MRO: variants seen among roughly 807,000 people sequenced by gnomAD.
MRO encodes maestro, also known as protein maestro.
MRO carries 28 observed loss-of-function variants against 31.0 expected under a neutral mutation model. The ratio of observed to expected loss-of-function variants is 0.90; its 90% CI spans 0.67 to 1.24. The LOEUF (loss-of-function observed/expected upper bound fraction) is 1.24, where lower values mean the gene tolerates loss of function less well. Ranked by LOEUF, MRO falls within the 50% of genes most tolerant of loss-of-function variation. The pLI is 0.00. For missense variants in MRO, 332 were observed against 289.2 expected, an observed-to-expected ratio of 1.15 and a Z score of -1.07; for synonymous variants, 108 against 108.4, an observed-to-expected ratio of 1.00 and a Z score of 0.02.
At position 50,801,412 on chromosome 18, in the gene MRO, C is replaced by A. The variant is rs1162232081; in HGVS notation, c.522G>T (p.Gln174His). 1.2e-6 allele frequency: 2 copies of A among 1,611,254 alleles called. No homozygotes were observed. The highest frequency in any genetic ancestry group is 4.5e-5 in the East Asian group (2 of 44,864). The change falls in exon 6 of 8, where the codon CAG becomes CAT. Residue 174 changes from glutamine (Q) to histidine (H), a missense_variant. Gln to His is a conservative substitution (Grantham distance 24). Transcript: ENST00000398439. ...GRKWKKFFTS[Q>H]VKQTRDSLLI... ...GGAGGGAATCTCGTGTCTGCTTAAC[C>A]TGACTGGTGAAAAATTTTTTCCATT...
At chr18:50,817,772 G>C (rs1412030664) in intron 2 of MRO, among the ~76,000 whole-genome samples, 1 of 152,132 alleles carries the variant, frequency 6.6e-6, no homozygotes, top group East Asian at 1.9e-4. Flanking sequence ...GAGAACAAGA[G>C]ATTGATACCA....
rs903630240 is a variant in MRO at position 50,819,822 on chromosome 18, T to C, written c.-127+75A>G. ...GGGAAAGTCAAAGTTTATAGAGTAT[T>C]TGGGCAGGGGAGGGAATTGTTCTGG... On this transcript the variant is annotated intron_variant, in intron 1 of 7. Coordinates refer to ENST00000398439, the MANE Select transcript of MRO (RefSeq NM_031939.6). The C allele has an allele frequency of 3.9e-6, 6 of 1,538,922 alleles. No homozygotes were observed. The Admixed American group carries it at 9.8e-5, about 25-fold the overall frequency.
intron 2 of MRO, 62 bp downstream of exon 2, chr18:50,819,519 C>T (rs1403106712): frequency 3.2e-6 from 5 of 1,541,234 alleles, no homozygotes; most frequent in Non-Finnish European, 4.4e-6. Flanking sequence ...GTTTTGGGAA[C>T]CCAAGTGCAG....
At chr18:50,811,056 C>T (rs543531976) in intron 2 of MRO, among the ~76,000 whole-genome samples, 10 of 152,114 alleles carry the variant, frequency 6.6e-5, no homozygotes, top group Non-Finnish European at 1.2e-4. Context: ...TGGGAGTCAA[C>T]GGGATCCCAT....
rs185214515 is a variant in MRO, at chr18:50,798,389, T to G, written c.*948A>C. 6.6e-6 allele frequency: 1 copy of G among 152,326 alleles called. No homozygotes were observed. Among genetic ancestry groups the G allele is most frequent in the East Asian group, 1.9e-4 (1 of 5,190 alleles). 9.4% of individuals were successfully genotyped at this position (152,326 alleles called of 1,614,324 possible). A position where few individuals can be genotyped will look rare whatever the true frequency, so the allele number is the denominator to read the frequency against. ...AGAAGCAGAGATGTTTGCATTTGCT[T>G]TGTTTTTAACATTTCTAACCATCCA... is the stretch of plus-strand genomic sequence containing the variant. On this transcript the variant is annotated 3_prime_UTR_variant, in exon 8 of 8. Transcript: ENST00000398439.
intron 2 of MRO, chr18:50,814,381 C>CGG (rs1043069428): frequency 7.2e-5 from 11 of 152,524 alleles, no homozygotes; most frequent in African/African-American, 2.4e-4. Flanking sequence ...AAGGTGGGGG[C>CGG]GGGGAGGAGA....
Position 50,799,323 on chromosome 18 carries a change from C to T in MRO, c.*14G>A. 1 of 1,611,406 alleles carries T rather than the reference C, an allele frequency of 6.2e-7. No individual in the cohort carries two copies. On this transcript the variant is annotated 3_prime_UTR_variant, in exon 8 of 8. Transcript: ENST00000398439. Reference sequence around the variant, plus strand: ...AATGCACTCATACAGAACCATTTCCCTGCTGCTCTGCGCTTACAGAATTTT... The same window carrying T: ...AATGCACTCATACAGAACCATTTCCTTGCTGCTCTGCGCTTACAGAATTTT...
At chr18:50,807,971 A>G (rs2144623501) in intron 3 of MRO, among the ~76,000 whole-genome samples, 1 of 152,364 alleles carries the variant, frequency 6.6e-6, no homozygotes, top group East Asian at 1.9e-4. Context: ...CTGTGATCCC[A>G]GCTACTTGGG....
chr18:50,808,282 G>C (rs1432346403), intron 3 of MRO, among the ~76,000 whole-genome samples: 1 of 151,986 alleles, frequency 6.6e-6, no homozygotes, highest in Non-Finnish European at 1.5e-5. Context: ...GAAATATCCA[G>C]ACAAGATCAA....
At chr18:50,802,915 T>TG (rs780095287) in intron 5 of MRO, among the ~76,000 whole-genome samples, 233 of 109,006 alleles carry the variant, frequency 2.1e-3, no homozygotes, top group African/African-American at 8.4e-3. Flanking sequence ...TGTGTGTGTG[T>TG]AGTGTGTGTG....
At chr18:50,815,341 C>T in intron 2 of MRO, 1 of 263,432 alleles carries the variant, frequency 3.8e-6, no homozygotes, top group Non-Finnish European at 7.7e-6. Context: ...GTGGTGGGAA[C>T]TTTGGTGGAA....
chr18:50,809,971 G>A (rs1045409287), intron 2 of MRO, among the ~76,000 whole-genome samples: 5 of 152,098 alleles, frequency 3.3e-5, no homozygotes, highest in African/African-American at 9.7e-5. Context: ...AAGGGAGAGT[G>A]GGGCAGGGGT....
chr18:50,825,247 G>A (rs750267172), intron 1 of MRO: 1 of 152,162 alleles, frequency 6.6e-6, no homozygotes, highest in Non-Finnish European at 1.5e-5. Flanking sequence ...TCTATCAACT[G>A]TGTTGAACTA....
At chr18:50,802,916 AGT>A (rs71735972) in intron 5 of MRO, among the ~76,000 whole-genome samples, 31,799 of 144,320 alleles carry the variant, frequency 0.22, 3,908 homozygotes, top group Admixed American at 0.32. Context: ...GTGTGTGTGT[AGT>A]GTGTGTGTGT....
chr18:50,824,450 T>TC (rs1568141540), upstream of MRO, among the ~76,000 whole-genome samples: 1 of 146,250 alleles, frequency 6.8e-6, no homozygotes, highest in Admixed American at 6.9e-5. Context: ...TTTCTTTTTT[T>TC]TTTTCTTTCT....
At chr18:50,812,972 T>C (rs1227921543) in intron 2 of MRO, among the ~76,000 whole-genome samples, 1 of 152,192 alleles carries the variant, frequency 6.6e-6, no homozygotes, top group Non-Finnish European at 1.5e-5. Flanking sequence ...TACCCAGGGC[T>C]GGGGAGCTTC....
rs1253348267 is a variant in MRO, at chr18:50,805,211, T to C, written c.372A>G (p.Lys124=). The change falls in exon 5 of 8, where the codon AAA becomes AAG. Residue 124 remains lysine (K), a synonymous_variant. Transcript: ENST00000398439. ...LTVVLGKIQG[K]GLGSFFIDIT... ...TATCTATGAAGAAGGAACCCAAACC[T>C]TTCCCCTGGATCTTGCCCAGAACGA... The C allele has an allele frequency of 8.1e-6, 13 of 1,613,850 alleles. No homozygotes were observed. Among genetic ancestry groups the C allele is most frequent in the African/African-American group, 1.3e-5 (1 of 74,908 alleles).
At position 50,797,197 on chromosome 18, in the gene MRO, G is replaced by A. The variant is rs1912861609; in HGVS notation, c.*2140C>T. The A allele has an allele frequency of 6.6e-6, 1 of 152,220 alleles. No homozygotes were observed. The highest frequency in any genetic ancestry group is 1.5e-5 in the Non-Finnish European group (1 of 68,064). The allele number at this position is 152,220 out of a possible 1,614,324, so 9.4% of individuals were successfully genotyped here. ...AGCTTCAACAGCTCGGGTCTGGCTG[G>A]AAGGGACAACTTGTGTCATGTGTCC... On this transcript the variant is annotated 3_prime_UTR_variant, in exon 8 of 8. Coordinates refer to ENST00000398439, the MANE Select transcript of MRO (RefSeq NM_031939.6).
At chr18:50,800,197 C>G (rs1317572998) in intron 6 of MRO, 54 bp from the exon 7 acceptor site, 7 of 1,305,482 alleles carry the variant, frequency 5.4e-6, no homozygotes, top group Non-Finnish European at 7.5e-6. Flanking sequence ...TAATCCCAAG[C>G]AAGGAAAAGT....
Sources: gnomAD v4.1 joint callset for allele counts (sites outside exome capture counted in the v4.1 genomes callset) on GRCh38, gnomAD v4.1.1 for gene constraint, MANE v1.5 for transcripts, NCBI Gene and HGNC (gene_info 2026-07-23, HGNC 2026-07-21) for gene names.